Variants in CTNND2 observed in about 807,000 individuals in gnomAD.
The protein encoded by CTNND2 is catenin delta-2.
Under a neutral mutation model 144.4 loss-of-function variants are expected in CTNND2, and 22 were observed. The observed-to-expected ratio is 0.15, with a 90% CI of 0.11 to 0.22. The LOEUF (loss-of-function observed/expected upper bound fraction) is 0.22, where lower values mean the gene tolerates loss of function less well. Among genes scored for constraint, CTNND2 ranks in the 10% least tolerant of loss-of-function variants. The pLI is 1.00. For synonymous variants in CTNND2, 751 were observed against 695.6 expected, an observed-to-expected ratio of 1.08 and a Z score of -1.25; for missense variants, 1,353 against 1,618.8, an observed-to-expected ratio of 0.84 and a Z score of 2.82.
chr5:11,858,786 G>T (rs1318289821), intron 1 of CTNND2, among the ~76,000 whole-genome samples: 2 of 152,116 alleles, frequency 1.3e-5, no homozygotes, highest in African/African-American at 4.8e-5. Flanking sequence ...AAAATTAGCT[G>T]GGCATGGTGG....
chr5:11,662,014 TAC>T (rs919048365), intron 2 of CTNND2, among the ~76,000 whole-genome samples: 4 of 150,336 alleles, frequency 2.7e-5, no homozygotes, highest in East Asian at 2.0e-4. Context: ...CACACATATA[TAC>T]ACACACACAT....
intron 9 of CTNND2, among the ~76,000 whole-genome samples, chr5:11,345,055 A>T (rs906138037): frequency 6.6e-5 from 10 of 152,172 alleles, no homozygotes. Flanking sequence ...TTTGTCTTTT[A>T]GCATTTCTTA....
intron 3 of CTNND2, among the ~76,000 whole-genome samples, chr5:11,417,830 A>G (rs983972121): frequency 2.2e-4 from 33 of 152,300 alleles, no homozygotes; most frequent in Middle Eastern, 3.4e-3. Context: ...ACCTTTGTCC[A>G]GGAGACTTGT....
intron 3 of CTNND2, among the ~76,000 whole-genome samples, chr5:11,501,791 A>G (rs249243): frequency 6.6e-6 from 1 of 151,664 alleles, no homozygotes; most frequent in Non-Finnish European, 1.5e-5. Flanking sequence ...GGCAGATCAC[A>G]AGGTCGGGAG....
chr5:11,859,928 G>A (rs1418449233), intron 1 of CTNND2, among the ~76,000 whole-genome samples: 1 of 152,138 alleles, frequency 6.6e-6, no homozygotes, highest in Non-Finnish European at 1.5e-5. Context: ...ACCAGATATA[G>A]ACTGAAAGAT....
intron 11 of CTNND2, among the ~76,000 whole-genome samples, chr5:11,186,357 G>A (rs1487140197): frequency 6.6e-6 from 1 of 152,192 alleles, no homozygotes; most frequent in Non-Finnish European, 1.5e-5. Context: ...ACTGCCATCA[G>A]TAACAGTTGC....
intron 2 of CTNND2, among the ~76,000 whole-genome samples, chr5:11,568,459 T>C (rs1294030307): frequency 6.6e-6 from 1 of 152,174 alleles, no homozygotes; most frequent in East Asian, 1.9e-4. Context: ...GAGGCTAGGA[T>C]CTGTCAAGAT....
chr5:11,784,394 T>C (rs1790719296), intron 1 of CTNND2, among the ~76,000 whole-genome samples: 1 of 152,240 alleles, frequency 6.6e-6, no homozygotes, highest in South Asian at 2.1e-4. Context: ...TAACTGATTT[T>C]AGGAGGTTTT....
intron 10 of CTNND2, among the ~76,000 whole-genome samples, chr5:11,213,452 G>A (rs545170003): frequency 2.0e-5 from 3 of 152,232 alleles, no homozygotes; most frequent in African/African-American, 7.2e-5. Context: ...AGGGAAATCT[G>A]TCCGCAACAA....
chr5:11,475,921 C>T (rs1163818571), intron 3 of CTNND2, among the ~76,000 whole-genome samples: 4 of 151,918 alleles, frequency 2.6e-5, no homozygotes, highest in African/African-American at 9.7e-5. Flanking sequence ...ATATGTGGCC[C>T]CATCATGGCT....
chr5:11,329,161 T>C, intron 9 of CTNND2, among the ~76,000 whole-genome samples: 1 of 152,136 alleles, frequency 6.6e-6, no homozygotes, highest in South Asian at 2.1e-4. Context: ...ATCATCCTTC[T>C]TTAAAATTTT....
chr5:11,631,168 A>T (rs1781394327), intron 2 of CTNND2, among the ~76,000 whole-genome samples: 2 of 152,294 alleles, frequency 1.3e-5, no homozygotes, highest in South Asian at 4.1e-4. Flanking sequence ...GATATTCTCC[A>T]ATATGTTATT....
At chr5:10,994,992 A>C (rs932508368) in intron 18 of CTNND2, among the ~76,000 whole-genome samples, 1 of 152,048 alleles carries the variant, frequency 6.6e-6, no homozygotes, top group African/African-American at 2.4e-5. Flanking sequence ...CCCTTCACTG[A>C]GCCAGGAACA....
At chr5:11,242,107 C>A (rs1445723922) in intron 9 of CTNND2, among the ~76,000 whole-genome samples, 2 of 152,148 alleles carry the variant, frequency 1.3e-5, no homozygotes. Flanking sequence ...ACAAAAAAAT[C>A]TGAACCTGGT....
intron 1 of CTNND2, among the ~76,000 whole-genome samples, chr5:11,841,140 C>A (rs1299033729): frequency 2.0e-5 from 3 of 152,054 alleles, no homozygotes; most frequent in African/African-American, 7.2e-5. Flanking sequence ...TTAAAATAAA[C>A]AACGATGAAC....
At chr5:11,782,305 T>C (rs1298674625) in intron 1 of CTNND2, among the ~76,000 whole-genome samples, 1 of 152,132 alleles carries the variant, frequency 6.6e-6, no homozygotes, top group Non-Finnish European at 1.5e-5. Context: ...ATTGGGCTCA[T>C]GCAAATGTTT....
At chr5:11,358,981 C>T (rs557288108) in intron 8 of CTNND2, among the ~76,000 whole-genome samples, 102 of 152,284 alleles carry the variant, frequency 6.7e-4, no homozygotes, top group African/African-American at 2.3e-3. Flanking sequence ...TCACAGCAGA[C>T]GTTGGCCATT....
chr5:11,129,131 T>TATATATAAATAAAA (rs1561352495), intron 12 of CTNND2, among the ~76,000 whole-genome samples: 1 of 27,760 alleles, frequency 3.6e-5, no homozygotes, highest in African/African-American at 1.3e-4. Context: ...TAATATATAT[T>TATATATAAATAAAA]TATATATATT....
intron 16 of CTNND2, among the ~76,000 whole-genome samples, chr5:11,031,035 A>G (rs899569527): frequency 3.9e-5 from 6 of 152,132 alleles, no homozygotes; most frequent in Non-Finnish European, 8.8e-5. Context: ...GGGCATGCAT[A>G]CTGGCTCTCT....
Sources: gnomAD v4.1 joint callset for allele counts (sites outside exome capture counted in the v4.1 genomes callset) on GRCh38, gnomAD v4.1.1 for gene constraint, MANE v1.5 for transcripts, NCBI Gene and HGNC (gene_info 2026-07-23, HGNC 2026-07-21) for gene names.